Variants in NAV3 observed in about 807,000 individuals in gnomAD.
NAV3 encodes neuron navigator 3, also known as pore membrane and/or filament interacting like protein 1.
NAV3 carries 87 observed loss-of-function variants against 244.7 expected under a neutral mutation model. That is an observed-to-expected ratio of 0.36 (90% confidence interval 0.30 to 0.42). The LOEUF (loss-of-function observed/expected upper bound fraction) is 0.42, where lower values mean the gene tolerates loss of function less well. Among genes scored for constraint, NAV3 ranks in the 20% least tolerant of loss-of-function variants. NAV3 has a pLI of 1.00. For synonymous variants in NAV3, 1,126 were observed against 1,042.2 expected (o/e 1.08, Z -1.55); for missense variants, 2,663 against 2,893.3 (o/e 0.92, Z 1.83).
intron 1 of NAV3, among the ~76,000 whole-genome samples, chr12:77,877,065 C>T (rs113911029): frequency 1.2e-3 from 180 of 152,038 alleles, no homozygotes; most frequent in African/African-American, 4.1e-3. Flanking sequence ...AGAAAATTCA[C>T]TAACAATTCT....
intron 2 of NAV3, among the ~76,000 whole-genome samples, chr12:77,631,937 G>A (rs75563438): frequency 0.014 from 2,197 of 152,194 alleles, 54 homozygotes; most frequent in African/African-American, 0.049. Flanking sequence ...GCAGGCACCC[G>A]GAAATCATTA....
intron 2 of NAV3, among the ~76,000 whole-genome samples, chr12:77,708,438 C>G (rs1875941371): frequency 6.6e-6 from 1 of 152,098 alleles, no homozygotes; most frequent in Admixed American, 6.6e-5. Context: ...TGTACCAGTA[C>G]CATGCTGTTT....
At chr12:78,038,485 AC>A (rs1402061594) in intron 9 of NAV3, among the ~76,000 whole-genome samples, 1 of 152,216 alleles carries the variant, frequency 6.6e-6, no homozygotes, top group Admixed American at 6.5e-5. Context: ...CTTTTAGTGA[AC>A]CAGTTTTAGA....
chr12:78,152,719 T>G (rs1270748426), intron 22 of NAV3, among the ~76,000 whole-genome samples: 2 of 152,124 alleles, frequency 1.3e-5, no homozygotes, highest in East Asian at 3.9e-4. Flanking sequence ...TGTACTTAAA[T>G]TGATTATAGG....
At chr12:77,895,238 T>G (rs1555224924) in intron 1 of NAV3, among the ~76,000 whole-genome samples, 1 of 151,936 alleles carries the variant, frequency 6.6e-6, no homozygotes, top group Non-Finnish European at 1.5e-5. Flanking sequence ...CAAAGGAAGA[T>G]AGAAGGTCAA....
chr12:77,687,912 C>T (rs1189824072), intron 2 of NAV3, among the ~76,000 whole-genome samples: 1 of 152,024 alleles, frequency 6.6e-6, no homozygotes, highest in Non-Finnish European at 1.5e-5. Context: ...CTTTTATAGA[C>T]AATTTAATCC....
intron 9 of NAV3, among the ~76,000 whole-genome samples, chr12:78,048,796 A>G (rs947816705): frequency 6.6e-6 from 1 of 152,194 alleles, no homozygotes; most frequent in Non-Finnish European, 1.5e-5. Flanking sequence ...AGAGTGTTTT[A>G]GTCTGCTGAG....
chr12:77,696,818 T>C (rs1231091332), intron 2 of NAV3, among the ~76,000 whole-genome samples: 8 of 152,312 alleles, frequency 5.3e-5, no homozygotes, highest in Middle Eastern at 3.4e-3. Flanking sequence ...AATATAAGCA[T>C]ACTAGAAGTG....
chr12:78,092,433 A>G (rs751079336), intron 12 of NAV3, among the ~76,000 whole-genome samples: 14 of 150,918 alleles, frequency 9.3e-5, no homozygotes, highest in Admixed American at 6.0e-4. Flanking sequence ...TAGAATGGTA[A>G]TATTTTTCTA....
chr12:78,211,741 G>GGT lies in NAV3; in HGVS notation c.*1224_*1225insGT, dbSNP rs1555200056. On this transcript the variant is annotated 3_prime_UTR_variant, in exon 40 of 40. Coordinates refer to ENST00000397909, the MANE Select transcript of NAV3 (RefSeq NM_001024383.2). ...TCGGCTTTCCTTCCCTATTGTTTTT[G>GGT]TTTTTTTAATGAGTTTTGACGCATG... 6 of 152,044 alleles carry GGT rather than the reference G, an allele frequency of 3.9e-5. No individual in the cohort carries two copies. Among genetic ancestry groups the GGT allele is most frequent in the Non-Finnish European group, 7.4e-5 (5 of 67,896 alleles). 9.4% of individuals were successfully genotyped at this position (152,044 alleles called of 1,614,324 possible).
At chr12:77,583,564 T>A (rs1053105549) in intron 2 of NAV3, among the ~76,000 whole-genome samples, 7 of 152,198 alleles carry the variant, frequency 4.6e-5, no homozygotes, top group African/African-American at 9.6e-5. Context: ...GGGGGAAAAC[T>A]ACAAAATGAG....
intron 2 of NAV3, among the ~76,000 whole-genome samples, chr12:77,605,043 AG>A (rs1870608772): frequency 6.6e-6 from 1 of 152,110 alleles, no homozygotes; most frequent in Non-Finnish European, 1.5e-5. Flanking sequence ...TTCAATACCA[AG>A]GGGACAGGAG....
intron 19 of NAV3, among the ~76,000 whole-genome samples, chr12:78,137,899 T>C (rs1018012307): frequency 6.6e-6 from 1 of 152,162 alleles, no homozygotes; most frequent in South Asian, 2.1e-4. Context: ...TAAATATCTT[T>C]ATAGTTATAT....
At chr12:77,836,732 C>T (rs186348099) in intron 1 of NAV3, among the ~76,000 whole-genome samples, 1 of 151,978 alleles carries the variant, frequency 6.6e-6, no homozygotes, top group Admixed American at 6.6e-5. Flanking sequence ...CAAATCTTAC[C>T]CACTATTTAA....
At chr12:77,607,781 A>T (rs1870736986) in intron 2 of NAV3, among the ~76,000 whole-genome samples, 1 of 152,172 alleles carries the variant, frequency 6.6e-6, no homozygotes, top group African/African-American at 2.4e-5. Context: ...AACTGTTTTC[A>T]TTTGCATGTC....
chr12:77,959,940 A>G (rs1304947652), intron 3 of NAV3, among the ~76,000 whole-genome samples: 1 of 102,222 alleles, frequency 9.8e-6, no homozygotes, highest in African/African-American at 3.6e-5. Flanking sequence ...AAAAAAAAAA[A>G]GACCAAAAAC....
rs192244604 is a variant in NAV3 at position 77,600,070 on chromosome 12, C to T, written c.72+27804C>T. 1.2e-3 allele frequency among the ~76,000 whole-genome samples: 180 copies of T among 152,042 alleles called. 1 individual carries two copies. Among genetic ancestry groups the T allele is most frequent in the African/African-American group, 4.3e-3 (177 of 41,510 alleles). ...GATTTTCTTCTCCTTTGTAGCTGTG[C>T]TTGCTGTCAGAATATATTTAGAAAC... On this transcript the variant is annotated intron_variant, in intron 2 of 8. Coordinates refer to the NAV3 transcript ENST00000550042.
At chr12:78,007,467 C>A (rs2136604429) in intron 8 of NAV3, 22 bp downstream of exon 8, 1 of 1,602,244 alleles carries the variant, frequency 6.2e-7, no homozygotes, top group Non-Finnish European at 8.5e-7. Flanking sequence ...TCTGTTTATC[C>A]ACAGTTGTAA....
intron 2 of NAV3, among the ~76,000 whole-genome samples, chr12:77,633,616 A>G (rs1415364391): frequency 6.6e-6 from 1 of 152,134 alleles, no homozygotes; most frequent in African/African-American, 2.4e-5. Flanking sequence ...AAAAAACAAA[A>G]CCAACTTAAA....
Sources: allele counts gnomAD v4.1 joint callset (sites outside exome capture counted in the v4.1 genomes callset), GRCh38; gene constraint gnomAD v4.1.1; transcripts MANE v1.5; gene names NCBI Gene and HGNC (gene_info 2026-07-23, HGNC 2026-07-21).